Variants in SRCIN1 observed in about 807,000 individuals in gnomAD.
The protein encoded by SRCIN1 is P130Cas-associated protein.
SRCIN1 carries 50 observed loss-of-function variants against 116.2 expected under a neutral mutation model. The observed-to-expected ratio is 0.43, with a 90% CI of 0.34 to 0.54. The LOEUF (loss-of-function observed/expected upper bound fraction) is 0.54, where lower values mean the gene tolerates loss of function less well. SRCIN1 is among the 20% of genes least tolerant of loss of function. The probability of loss-of-function intolerance (pLI) is 0.02; values close to 1 mark genes in which losing one functional copy is unlikely to be tolerated. For synonymous variants in SRCIN1, 736 were observed against 750.0 expected (o/e 0.98, Z 0.30); for missense variants, 1,446 against 1,672.0 (o/e 0.86, Z 2.36).
At position 38,558,489 on chromosome 17, in the gene SRCIN1, T is replaced by G. The variant is rs1905966726; in HGVS notation, c.2026-87A>C. On this transcript the variant is annotated intron_variant, in intron 10 of 18. Coordinates refer to ENST00000617146, the MANE Select transcript of SRCIN1 (RefSeq NM_025248.3). The surrounding 1 kb of genome is among the most constrained non-coding windows in gnomAD (Gnocchi z 4.6). ...GGCCGGGAGAAGGCGGGTAGAGGAC[T>G]GCCCAATCCAGGGCGGGGCTCTGCA... The G allele has an allele frequency of 1.4e-6, 2 of 1,424,132 alleles. No homozygotes were observed. The highest frequency in any genetic ancestry group is 2.9e-5 in the African/African-American group (2 of 68,532). The allele number at this position is 1,424,132 out of a possible 1,614,324, so 88.2% of individuals were successfully genotyped here.
At chr17:38,560,138 GCC>G in intron 8 of SRCIN1, 41 bp from the exon 9 acceptor site, 1 of 1,516,718 alleles carries the variant, frequency 6.6e-7, no homozygotes, top group Middle Eastern at 1.7e-4. Flanking sequence ...GTCCAGGCCA[GCC>G]CCAGACCTTC....
At chr17:38,588,136 C>CT (rs1433796081) in intron 1 of SRCIN1, among the ~76,000 whole-genome samples, 1 of 149,308 alleles carries the variant, frequency 6.7e-6, no homozygotes, top group Non-Finnish European at 1.5e-5. Context: ...GGCATGCAGA[C>CT]TGCAGAGCCT....
intron 2 of SRCIN1, among the ~76,000 whole-genome samples, chr17:38,575,811 C>G (rs1217696851): frequency 1.3e-5 from 2 of 152,198 alleles, no homozygotes; most frequent in Non-Finnish European, 2.9e-5. Context: ...CCAGATTCCT[C>G]TAGGACCTGT....
Position 38,563,657 on chromosome 17 carries a change from G to C in SRCIN1, c.542-136C>G, listed in dbSNP as rs950532310. The C allele has an allele frequency of 1.3e-5, 16 of 1,217,660 alleles. No individual in the cohort carries two copies. The African/African-American group carries it at 2.1e-4, about 16-fold the overall frequency. The allele number at this position is 1,217,660 out of a possible 1,614,324, so 75.4% of individuals were successfully genotyped here. On this transcript the variant is annotated intron_variant, in intron 4 of 18. Transcript: ENST00000617146. The surrounding 1 kb of genome is among the most constrained non-coding windows in gnomAD (Gnocchi z 5.8). Reference sequence around the variant, plus strand: ...AGGCTAGACGCCGCCCCCGAGTGCAGATGCACCCAGGCACCTCTCATGCTG... The same window carrying C: ...AGGCTAGACGCCGCCCCCGAGTGCACATGCACCCAGGCACCTCTCATGCTG...
intron 18 of SRCIN1, among the ~76,000 whole-genome samples, chr17:38,540,653 G>T (rs1346328132): frequency 6.6e-6 from 1 of 152,202 alleles, no homozygotes; most frequent in Non-Finnish European, 1.5e-5. Context: ...GGTGAGCTGA[G>T]GCTGCTGTGA....
rs1463187207 is a variant in SRCIN1 at position 38,558,432 on chromosome 17, G to A, written c.2026-30C>T. ...GGGACGCACGGACGGATGGACCCGG[G>A]TGGGGGGAGCGGAGCCGCGAGGCAG... On this transcript the variant is annotated intron_variant, in intron 10 of 18. Transcript: ENST00000617146. The surrounding 1 kb of genome is among the most constrained non-coding windows in gnomAD (Gnocchi z 4.6). The A allele has an allele frequency of 4.5e-6, 7 of 1,563,336 alleles. No individual in the cohort carries two copies. Among genetic ancestry groups the A allele is most frequent in the Non-Finnish European group, 3.4e-6 (4 of 1,161,712 alleles).
At chr17:38,592,389 C>T (rs1908490132) in intron 1 of SRCIN1, among the ~76,000 whole-genome samples, 1 of 152,296 alleles carries the variant, frequency 6.6e-6, no homozygotes, top group Admixed American at 6.5e-5. Flanking sequence ...GAGCAGTGCA[C>T]CTCAACCAGG....
chr17:38,542,934 C>T (rs1478795293), intron 18 of SRCIN1: 1 of 392,440 alleles, frequency 2.5e-6, no homozygotes, highest in Non-Finnish European at 5.2e-6. Flanking sequence ...ATATCACAGC[C>T]CCCACCCTCA....
At chr17:38,553,571 A>G (rs73982829) in intron 11 of SRCIN1, among the ~76,000 whole-genome samples, 3,966 of 152,144 alleles carry the variant, frequency 0.026, 186 homozygotes, top group African/African-American at 0.09. Context: ...CTTCTCTCAC[A>G]TGATCCAGCC....
chr17:38,559,191 T>G, intron 10 of SRCIN1: 3 of 241,404 alleles, frequency 1.2e-5, no homozygotes, highest in Non-Finnish European at 1.6e-5. Flanking sequence ...TGAGAGGACT[T>G]GGGGGAAGGG....
At chr17:38,567,320 C>G (rs542076803) in intron 3 of SRCIN1, among the ~76,000 whole-genome samples, 1 of 152,334 alleles carries the variant, frequency 6.6e-6, no homozygotes, top group Admixed American at 6.5e-5. Context: ...AGCTAGTTAG[C>G]AGCAGACTGT....
rs1464775425 is a variant in SRCIN1, at chr17:38,578,775, G to A, written c.39C>T (p.Ser13=). The A allele has an allele frequency of 5.3e-6, 8 of 1,504,566 alleles. No individual in the cohort carries two copies. In the South Asian group the frequency reaches 7.5e-5, roughly 14 times the overall value. 93.2% of individuals were successfully genotyped at this position (1,504,566 alleles called of 1,614,324 possible). ...CATCGTCCGCAGACAGCATGGGGGG[G>A]CTGCTCCGCTCCGGATCTGCGAGAG... is the stretch of plus-strand genomic sequence containing the variant. The part of the protein sequence containing the change: ...NAPSQDPERS[S]PPMLSADDAE... The change falls in exon 2 of 19, where the codon AGC becomes AGT. Residue 13 remains serine, a synonymous_variant. Coordinates refer to ENST00000617146, the MANE Select transcript of SRCIN1 (RefSeq NM_025248.3).
chr17:38,555,592 A>T (rs1204377355), intron 11 of SRCIN1, among the ~76,000 whole-genome samples: 1 of 152,238 alleles, frequency 6.6e-6, no homozygotes. Context: ...AAAAAAAGGA[A>T]AAAAAGATAT....
chr17:38,570,542 G>A (rs1485157396), intron 2 of SRCIN1, among the ~76,000 whole-genome samples: 2 of 152,224 alleles, frequency 1.3e-5, no homozygotes, highest in African/African-American at 4.8e-5. Flanking sequence ...CATAAGTCAG[G>A]GAGGTGACCT....
chr17:38,552,629 G>A lies in SRCIN1; in HGVS notation c.2333-35C>T, dbSNP rs201656453. The A allele has an allele frequency of 1.8e-5, 29 of 1,612,976 alleles. No individual in the cohort carries two copies. The African/African-American group carries it at 2.5e-4, about 14-fold the overall frequency. The stretch of plus-strand genomic sequence containing the variant: ...CAGGAAGGCATGAGCTGGGGCCAGA[G>A]GGAGCACCACAGACTGGGAGGAGAG... On this transcript the variant is annotated intron_variant, in intron 12 of 18. Transcript: ENST00000617146. The surrounding 1 kb of genome is among the most constrained non-coding windows in gnomAD (Gnocchi z 5.3).
At chr17:38,555,546 C>T (rs1029132241) in intron 11 of SRCIN1, among the ~76,000 whole-genome samples, 2 of 151,860 alleles carry the variant, frequency 1.3e-5, no homozygotes, top group African/African-American at 4.8e-5. Context: ...AGGAAGCTAC[C>T]CTAATTAATT....
chr17:38,598,330 GTCAT>G lies in SRCIN1; in HGVS notation c.22+7350_22+7353del, dbSNP rs1908832645. On this transcript the variant is annotated intron_variant, in intron 1 of 18. Coordinates refer to ENST00000617146, the MANE Select transcript of SRCIN1 (RefSeq NM_025248.3). The stretch of plus-strand genomic sequence containing the variant: ...TGGAAGGCCTTCCCTACGAGCTGGG[GTCAT>G]TCATTCTTCCCATAAGAAGCAGAGG... 2.0e-5 allele frequency among the ~76,000 whole-genome samples: 3 copies of G among 152,290 alleles called. No homozygotes were observed. In the South Asian group the frequency reaches 6.2e-4, roughly 32 times the overall value.
At chr17:38,603,096 C>T (rs1327487086) in intron 1 of SRCIN1, among the ~76,000 whole-genome samples, 1 of 152,108 alleles carries the variant, frequency 6.6e-6, no homozygotes. Flanking sequence ...ACCACACTGT[C>T]GATGCCCACA....
At chr17:38,534,352 T>G (rs113471269) in intron 18 of SRCIN1, among the ~76,000 whole-genome samples, 156 of 152,320 alleles carry the variant, frequency 1.0e-3, no homozygotes, top group Non-Finnish European at 1.5e-3. Context: ...TGTGGGCTCA[T>G]GAATGTGCAT....
Sources: gnomAD v4.1 joint callset for allele counts (sites outside exome capture counted in the v4.1 genomes callset) on GRCh38, gnomAD v4.1.1 for gene constraint, Gnocchi (gnomAD v3.1) non-coding constraint, MANE v1.5 for transcripts, NCBI Gene and HGNC (gene_info 2026-07-23, HGNC 2026-07-21) for gene names.